Variants in ODAD2 observed in about 807,000 individuals in gnomAD.
ODAD2 encodes outer dynein arm docking complex subunit 2.
Under a neutral mutation model 106.8 loss-of-function variants are expected in ODAD2, and 89 were observed. That is an observed-to-expected ratio of 0.83 (90% CI 0.70 to 0.99). The LOEUF is 0.99. ODAD2 is among the 50% of genes least tolerant of loss of function. The pLI, the probability that ODAD2 is intolerant of heterozygous loss-of-function variation, is 0.00. For synonymous variants in ODAD2, 404 were observed against 436.2 expected, an observed-to-expected ratio of 0.93 and a Z score of 0.92; for missense variants, 1,168 against 1,238.5, an observed-to-expected ratio of 0.94 and a Z score of 0.85.
intron 19 of ODAD2, among the ~76,000 whole-genome samples, chr10:27,822,598 G>C (rs1028459379): frequency 6.6e-6 from 1 of 152,176 alleles, no homozygotes; most frequent in Non-Finnish European, 1.5e-5. Context: ...TCTTCCAACA[G>C]AGGCTCCACT....
chr10:27,814,214 G>A (rs182344534), intron 19 of ODAD2, among the ~76,000 whole-genome samples: 30 of 152,198 alleles, frequency 2.0e-4, no homozygotes, highest in Admixed American at 1.1e-3. Flanking sequence ...TTCCTGACTC[G>A]CAGATTGAAT....
chr10:27,966,643 T>C (rs532354331), intron 9 of ODAD2, among the ~76,000 whole-genome samples: 1 of 152,344 alleles, frequency 6.6e-6, no homozygotes, highest in East Asian at 1.9e-4. Context: ...AATACTTCTC[T>C]ACCACAGAAT....
chr10:27,940,980 C>CA (rs1846377123), intron 12 of ODAD2, among the ~76,000 whole-genome samples, 175 bp from the exon 13 acceptor site: 1 of 152,244 alleles, frequency 6.6e-6, no homozygotes, highest in South Asian at 2.1e-4. Flanking sequence ...CAAAACCCTA[C>CA]AAAAAACCTT....
chr10:27,874,536 G>T (rs894215795), intron 17 of ODAD2, among the ~76,000 whole-genome samples: 8 of 152,068 alleles, frequency 5.3e-5, no homozygotes, highest in Admixed American at 2.0e-4. Flanking sequence ...AGGAGCTTTT[G>T]TAGGGCAGGC....
chr10:27,922,153 CAAA>C (rs34021438), intron 16 of ODAD2, among the ~76,000 whole-genome samples: 6 of 107,646 alleles, frequency 5.6e-5, no homozygotes, highest in Non-Finnish European at 1.1e-4. Flanking sequence ...AACTCTGCCT[CAAA>C]AAAAAAAAAA....
At position 27,935,062 on chromosome 10, in the gene ODAD2, C is replaced by T. The variant is rs767114873; in HGVS notation, c.2443G>A (p.Val815Met). The T allele has an allele frequency of 5.0e-6, 8 of 1,613,838 alleles. No individual in the cohort carries two copies. In the South Asian group the frequency reaches 8.8e-5, roughly 18 times the overall value. ...LLVGINQALLVNVTKAVGACA... is the reference protein window; with the variant it reads ...LLVGINQALLMNVTKAVGACA... ...GCACCAACTGCTTTTGTAACATTCA[C>T]AAGAAGAGCTTGGTTTATTCCAACA... is the stretch of plus-strand genomic sequence containing the variant. Residue 815 changes from valine to methionine, a missense_variant, in exon 16 of 20, where the codon GTG becomes ATG. By Grantham distance (21) the Val-to-Met change is conservative. Around this residue, in one of 3 missense-constraint regions of ODAD2, gnomAD observed 701 missense variants for 712.3 expected, o/e 0.98. Transcript: ENST00000305242.
chr10:27,930,682 A>G (rs1314787703), intron 16 of ODAD2, among the ~76,000 whole-genome samples: 2 of 151,432 alleles, frequency 1.3e-5, no homozygotes, highest in African/African-American at 2.4e-5. Context: ...TAATTTTTTG[A>G]TTCTCTTATT....
chr10:27,861,566 A>G (rs575611073), intron 18 of ODAD2, among the ~76,000 whole-genome samples: 1 of 152,328 alleles, frequency 6.6e-6, no homozygotes, highest in South Asian at 2.1e-4. Flanking sequence ...GGATTTCTCC[A>G]CCCTAGGAAT....
At chr10:27,822,357 A>C (rs1160238286) in intron 19 of ODAD2, among the ~76,000 whole-genome samples, 1 of 152,236 alleles carries the variant, frequency 6.6e-6, no homozygotes, top group Non-Finnish European at 1.5e-5. Context: ...AGGAGTTTTA[A>C]TTAGAGCTGG....
chr10:27,900,407 T>G (rs1489858941), intron 17 of ODAD2, among the ~76,000 whole-genome samples: 3 of 152,088 alleles, frequency 2.0e-5, no homozygotes. Context: ...GAACATCTCT[T>G]CTCCAAAGGA....
chr10:27,984,251 T>C lies in ODAD2; in HGVS notation c.615A>G (p.Ile205Met). ...SLSPMTVKKD[I>M]ELLKRFSGKG... is the part of the protein sequence containing the mutation. Reference sequence around the variant, plus strand: ...TTCCTGAGAAACGTTTGAGCAGTTCTATATCCTTCTTCACCGTCATGGGAC... The same window carrying C: ...TTCCTGAGAAACGTTTGAGCAGTTCCATATCCTTCTTCACCGTCATGGGAC... The change falls in exon 5 of 20, where the codon ATA becomes ATG. Residue 205 changes from isoleucine (I) to methionine (M), a missense_variant. Around this residue, in one of 3 missense-constraint regions of ODAD2, gnomAD observed 430 missense variants for 452.2 expected, o/e 0.95. Transcript: ENST00000305242. 6.2e-7 allele frequency: 1 copy of C among 1,613,752 alleles called. No homozygotes were observed. Among genetic ancestry groups the C allele is most frequent in the Non-Finnish European group, 8.5e-7 (1 of 1,179,712 alleles).
At chr10:27,874,489 G>C (rs1219199223) in intron 17 of ODAD2, among the ~76,000 whole-genome samples, 1 of 152,140 alleles carries the variant, frequency 6.6e-6, no homozygotes, top group African/African-American at 2.4e-5. Flanking sequence ...GCAGTGGCTG[G>C]TACCAGCTGT....
At chr10:27,982,229 T>C (rs1253698069) in intron 6 of ODAD2, among the ~76,000 whole-genome samples, 1 of 152,128 alleles carries the variant, frequency 6.6e-6, no homozygotes, top group African/African-American at 2.4e-5. Context: ...TAACTGCAGT[T>C]TGTTATATAT....
chr10:27,833,757 G>A (rs1837654827), intron 19 of ODAD2, among the ~76,000 whole-genome samples: 1 of 152,172 alleles, frequency 6.6e-6, no homozygotes, highest in African/African-American at 2.4e-5. Flanking sequence ...GACTTCCATA[G>A]GGGTCTTGCA....
chr10:27,821,237 C>T (rs1836584716), intron 19 of ODAD2, among the ~76,000 whole-genome samples: 2 of 152,088 alleles, frequency 1.3e-5, no homozygotes, highest in South Asian at 4.1e-4. Flanking sequence ...TGAGAAGTAC[C>T]CCCAAGACCC....
intron 19 of ODAD2, among the ~76,000 whole-genome samples, chr10:27,824,486 G>A (rs555730966): frequency 1.3e-5 from 2 of 152,336 alleles, no homozygotes; most frequent in Admixed American, 1.3e-4. Context: ...ACCCTTGACA[G>A]ATGCTGGTGC....
At chr10:27,911,465 T>A (rs769094408) in intron 16 of ODAD2, among the ~76,000 whole-genome samples, 1 of 152,170 alleles carries the variant, frequency 6.6e-6, no homozygotes, top group African/African-American at 2.4e-5. Flanking sequence ...TAATGGACCA[T>A]TGGGAAACTA....
chr10:27,845,233 C>T (rs930438125), intron 19 of ODAD2, among the ~76,000 whole-genome samples: 1 of 152,204 alleles, frequency 6.6e-6, no homozygotes, highest in African/African-American at 2.4e-5. Context: ...TTGGCAGAAA[C>T]TATACAAGCC....
chr10:27,888,805 G>A (rs1323278750), intron 17 of ODAD2, among the ~76,000 whole-genome samples: 1 of 152,002 alleles, frequency 6.6e-6, no homozygotes, highest in African/African-American at 2.4e-5. Context: ...CTATTCAATG[G>A]GGAAAGTCTT....
Sources: allele counts gnomAD v4.1 joint callset (sites outside exome capture counted in the v4.1 genomes callset), GRCh38; gene constraint gnomAD v4.1.1; regional missense constraint gnomAD v4.1.1; transcripts MANE v1.5; gene names NCBI Gene and HGNC (gene_info 2026-07-23, HGNC 2026-07-21).